The following PCDHGA7 variants were observed in gnomAD, a reference collection of about 807,000 sequenced individuals.
PCDHGA7 encodes protocadherin gamma subfamily A, 7, also known as protocadherin gamma-A7.
A neutral mutation model predicts 58.3 loss-of-function variants in PCDHGA7; 44 were observed. The observed-to-expected ratio is 0.75, with a 90% CI of 0.59 to 0.97. The LOEUF is 0.97. PCDHGA7 is among the 50% of genes least tolerant of loss of function. The probability of loss-of-function intolerance (pLI) is 0.00; values close to 1 mark genes in which losing one functional copy is unlikely to be tolerated. For synonymous variants in PCDHGA7, 516 were observed against 504.2 expected (o/e 1.02, Z -0.31); for missense variants, 1,266 against 1,188.7 (o/e 1.06, Z -0.96).
In PCDHGA7 at chr5:141,489,163, C is replaced by T. The variant is rs2099683398; in HGVS notation, c.2425-5644C>T. 1 of 1,060,592 alleles carries T rather than the reference C, an allele frequency of 9.4e-7. No individual in the cohort carries two copies. Among genetic ancestry groups the T allele is most frequent in the Admixed American group, 2.4e-5 (1 of 41,724 alleles). The allele number at this position is 1,060,592 out of a possible 1,614,324, so 65.7% of individuals were successfully genotyped here. On this transcript the variant is annotated intron_variant, in intron 1 of 3. Coordinates refer to ENST00000518325, the MANE Select transcript of PCDHGA7 (RefSeq NM_018920.4). This position sits in a 1 kb window ranked among gnomAD's most constrained non-coding sequence, Gnocchi z 4.5. ...TGGAAGGAGACATAAGAGACTTCAGCTGCTGCATTCCAAGCCCTGGGTCTA... is the reference window on the plus strand; with the variant it reads ...TGGAAGGAGACATAAGAGACTTCAGTTGCTGCATTCCAAGCCCTGGGTCTA...
intron 1 of PCDHGA7, chr5:141,412,426 A>G (rs1051574976): frequency 2.6e-5 from 4 of 152,234 alleles, no homozygotes; most frequent in African/African-American, 9.6e-5. Context: ...GTTTTACACA[A>G]AAAGGTTAAT....
Position 141,491,874 on chromosome 5 carries a change from T to G in PCDHGA7, c.2425-2933T>G, listed in dbSNP as rs1160702024. On this transcript the variant is annotated intron_variant, in intron 1 of 3. Coordinates refer to ENST00000518325, the MANE Select transcript of PCDHGA7 (RefSeq NM_018920.4). The surrounding 1 kb of genome is among the most constrained non-coding windows in gnomAD (Gnocchi z 6.9). ...GTTTGCGCGAAACCAGAGTGGCCGA[T>G]TAAGGGATGGGGCTCCGAGCACCGG... 15 of 1,451,168 alleles carry G rather than the reference T, an allele frequency of 1.0e-5. No homozygotes were observed. The highest frequency in any genetic ancestry group is 1.4e-5 in the Non-Finnish European group (15 of 1,098,162). 89.9% of individuals were successfully genotyped at this position (1,451,168 alleles called of 1,614,324 possible). A position where few individuals can be genotyped will look rare whatever the true frequency, so the allele number is the denominator to read the frequency against.
chr5:141,472,505 A>G (rs1041224118), intron 1 of PCDHGA7, among the ~76,000 whole-genome samples: 4 of 152,004 alleles, frequency 2.6e-5, no homozygotes, highest in African/African-American at 7.3e-5. Context: ...GTGCCACTGC[A>G]CTCCAGCCTG....
Position 141,434,784 on chromosome 5 carries a change from AT to A in PCDHGA7, c.2424+49470del, listed in dbSNP as rs201914459. On this transcript the variant is annotated intron_variant, in intron 1 of 3. Transcript: ENST00000518325. The stretch of plus-strand genomic sequence containing the variant: ...ACTTCACACTTCTAAAAAAAAAAAA[AT>A]TTTTTTTTCTGAGCTTGGAGAAATA... Among the ~76,000 whole-genome samples the A allele has an allele frequency of 3.3e-4, 49 of 150,342 alleles. 1 individual carries two copies. Among genetic ancestry groups the A allele is most frequent in the Middle Eastern group, 3.4e-3 (1 of 290 alleles).
chr5:141,384,039 T>C lies in PCDHGA7; in HGVS notation c.1140T>C (p.Gly380=). ...AAGACAGAGATTCTGGAAAGAATGGTGAGGTGACCTGCACCATTCCAGAAA... is the reference window on the plus strand; with the variant it reads ...AAGACAGAGATTCTGGAAAGAATGGCGAGGTGACCTGCACCATTCCAGAAA... The part of the protein sequence containing the change: ...YLQDRDSGKN[G]EVTCTIPENL... The change falls in exon 1 of 4, where the codon GGT becomes GGC. Residue 380 remains glycine, a synonymous_variant. Coordinates refer to ENST00000518325, the MANE Select transcript of PCDHGA7 (RefSeq NM_018920.4). 1 of 1,612,888 alleles carries C rather than the reference T, an allele frequency of 6.2e-7. No homozygotes were observed. The highest frequency in any genetic ancestry group is 2.2e-5 in the East Asian group (1 of 44,874).
At chr5:141,465,457 C>G (rs956070103) in intron 1 of PCDHGA7, among the ~76,000 whole-genome samples, 1 of 152,214 alleles carries the variant, frequency 6.6e-6, no homozygotes, top group Non-Finnish European at 1.5e-5. Context: ...AAAACTCTCA[C>G]CAAATTGCCC....
rs1487270083 is a variant in PCDHGA7, at chr5:141,402,944, G to T, written c.2424+17621G>T. ...GATCCTTTTGAGAAAATTCCAAAGC[G>T]AGGCAGCAATGGCAGCTCCAACCAA... is the stretch of plus-strand genomic sequence containing the variant. On this transcript the variant is annotated intron_variant, in intron 1 of 3. Transcript: ENST00000518325. The T allele has an allele frequency of 3.8e-6, 6 of 1,592,018 alleles. No individual in the cohort carries two copies. The African/African-American group carries it at 8.1e-5, about 22-fold the overall frequency.
At chr5:141,394,519 C>A (rs1462431722) in intron 1 of PCDHGA7, 1 of 1,614,240 alleles carries the variant, frequency 6.2e-7, no homozygotes, top group South Asian at 1.1e-5. Context: ...GCCCTCCCCA[C>A]AGACGGTTCC....
chr5:141,415,519 A>G, intron 1 of PCDHGA7: 1 of 1,614,182 alleles, frequency 6.2e-7, no homozygotes, highest in Non-Finnish European at 8.5e-7. Context: ...TTATGCGGAC[A>G]CGCTCATCAG....
Position 141,476,782 on chromosome 5 carries a change from A to T in PCDHGA7, c.2425-18025A>T. On this transcript the variant is annotated intron_variant, in intron 1 of 3. Coordinates refer to ENST00000518325, the MANE Select transcript of PCDHGA7 (RefSeq NM_018920.4). The surrounding 1 kb of genome is among the most constrained non-coding windows in gnomAD (Gnocchi z 7.6). ...TGACGGCGTTGGACGGAGGGACCCCAGCTCTCTCCGCCAGCCTGCCTATTC... is the reference window on the plus strand; with the variant it reads ...TGACGGCGTTGGACGGAGGGACCCCTGCTCTCTCCGCCAGCCTGCCTATTC... 6.2e-7 allele frequency: 1 copy of T among 1,613,568 alleles called. No individual in the cohort carries two copies. The highest frequency in any genetic ancestry group is 8.5e-7 in the Non-Finnish European group (1 of 1,179,996).
At chr5:141,484,795 C>G (rs1265916821) in intron 1 of PCDHGA7, among the ~76,000 whole-genome samples, 1 of 151,902 alleles carries the variant, frequency 6.6e-6, no homozygotes, top group Middle Eastern at 3.4e-3. Flanking sequence ...AGATAACAAC[C>G]CGTGGAAAAA....
At chr5:141,415,791 C>G (rs2095959265) in intron 1 of PCDHGA7, 4 of 1,341,886 alleles carry the variant, frequency 3.0e-6, no homozygotes, top group Admixed American at 8.1e-5. Context: ...GTAAAATTCA[C>G]CTAGTCTCAA....
At position 141,384,871 on chromosome 5, in the gene PCDHGA7, G is replaced by C. The variant is rs769607351; in HGVS notation, c.1972G>C (p.Val658Leu). The change falls in exon 1 of 4, where the codon GTC becomes CTC. Residue 658 changes from valine to leucine, a missense_variant. Physicochemically the swap from Val to Leu is conservative, Grantham distance 32 (BLOSUM62 1). Coordinates refer to ENST00000518325, the MANE Select transcript of PCDHGA7 (RefSeq NM_018920.4). ...DHGQPPLSAT[V>L]TLTVAVADSI... Reference sequence around the variant, plus strand: ...CGGTCAGCCTCCTCTGTCAGCCACCGTCACACTCACCGTGGCTGTGGCTGA... The same window carrying C: ...CGGTCAGCCTCCTCTGTCAGCCACCCTCACACTCACCGTGGCTGTGGCTGA... 1 of 1,613,766 alleles carries C rather than the reference G, an allele frequency of 6.2e-7. No homozygotes were observed. Among genetic ancestry groups the C allele is most frequent in the Non-Finnish European group, 8.5e-7 (1 of 1,179,958 alleles).
At position 141,487,670 on chromosome 5, in the gene PCDHGA7, T is replaced by C. The variant is rs2099658277; in HGVS notation, c.2425-7137T>C. 2 of 1,612,302 alleles carry C rather than the reference T, an allele frequency of 1.2e-6. No homozygotes were observed. Among genetic ancestry groups the C allele is most frequent in the Non-Finnish European group, 1.7e-6 (2 of 1,179,082 alleles). On this transcript the variant is annotated intron_variant, in intron 1 of 3. Transcript: ENST00000518325. The surrounding 1 kb of genome is among the most constrained non-coding windows in gnomAD (Gnocchi z 5.0). The stretch of plus-strand genomic sequence containing the variant: ...TGAGGGTTATTCTGATCCAGGCATA[T>C]GGCTAGGCCATGTCCTAGAGAGTAC...
intron 1 of PCDHGA7, among the ~76,000 whole-genome samples, chr5:141,474,726 A>G (rs549082085): frequency 6.6e-6 from 1 of 152,358 alleles, no homozygotes; most frequent in South Asian, 2.1e-4. Flanking sequence ...AAAGGACTCT[A>G]TGCAATCAAA....
intron 1 of PCDHGA7, among the ~76,000 whole-genome samples, chr5:141,405,769 C>T (rs1363688527): frequency 2.6e-5 from 4 of 152,080 alleles, no homozygotes; most frequent in Non-Finnish European, 2.9e-5. Context: ...TGAGCCACTG[C>T]GCCTGGCCCT....
intron 1 of PCDHGA7, among the ~76,000 whole-genome samples, chr5:141,443,722 C>G (rs2098401001): frequency 6.6e-6 from 1 of 152,012 alleles, no homozygotes; most frequent in Admixed American, 6.6e-5. Context: ...TATAAAATTC[C>G]TCATACATTT....
In PCDHGA7 at chr5:141,476,501, A is replaced by G; in HGVS notation, c.2425-18306A>G. 1.2e-6 allele frequency: 2 copies of G among 1,614,026 alleles called. No homozygotes were observed. Among genetic ancestry groups the G allele is most frequent in the Non-Finnish European group, 1.7e-6 (2 of 1,180,006 alleles). On this transcript the variant is annotated intron_variant, in intron 1 of 3. Coordinates refer to ENST00000518325, the MANE Select transcript of PCDHGA7 (RefSeq NM_018920.4). The surrounding 1 kb of genome is among the most constrained non-coding windows in gnomAD (Gnocchi z 7.6). ...CGTGGAAGTGGTGATCCAGGACATCAACGACAACAATCCTGCTTTCCCTAC... is the reference window on the plus strand; with the variant it reads ...CGTGGAAGTGGTGATCCAGGACATCGACGACAACAATCCTGCTTTCCCTAC...
chr5:141,438,288 G>C (rs752722248), intron 1 of PCDHGA7, among the ~76,000 whole-genome samples: 18 of 151,902 alleles, frequency 1.2e-4, no homozygotes, highest in Non-Finnish European at 2.1e-4. Flanking sequence ...AATTTAATCT[G>C]TATGTAAAAG....
Sources: gnomAD v4.1 joint callset for allele counts (sites outside exome capture counted in the v4.1 genomes callset) on GRCh38, gnomAD v4.1.1 for gene constraint, Gnocchi (gnomAD v3.1) non-coding constraint, MANE v1.5 for transcripts, NCBI Gene and HGNC (gene_info 2026-07-23, HGNC 2026-07-21) for gene names.